CUL3: variants seen among roughly 807,000 people sequenced by gnomAD.
CUL3 encodes the protein cullin 3.
Under a neutral mutation model 89.1 loss-of-function variants are expected in CUL3, and 19 were observed. That is an observed-to-expected ratio of 0.21 (90% confidence interval 0.15 to 0.31). The LOEUF (loss-of-function observed/expected upper bound fraction) is 0.31, where lower values mean the gene tolerates loss of function less well. CUL3 is among the 10% of genes least tolerant of loss of function. CUL3 has a pLI of 1.00. For missense variants in CUL3, 469 were observed against 942.3 expected (o/e 0.50, Z 6.58); for synonymous variants, 351 against 308.4 (o/e 1.14, Z -1.45).
At chr2:224,481,370 GA>G (rs1445688504) in intron 14 of CUL3, among the ~76,000 whole-genome samples, 2 of 150,002 alleles carry the variant, frequency 1.3e-5, no homozygotes, top group Non-Finnish European at 3.0e-5. Context: ...TTAATGAATA[GA>G]ATTTTCATTA....
chr2:224,560,368 A>T (rs906971415), intron 1 of CUL3: 6 of 152,114 alleles, frequency 3.9e-5, no homozygotes, highest in African/African-American at 1.5e-4. Context: ...CCCTCTGTAC[A>T]TGCCAGAGTC....
intron 15 of CUL3, among the ~76,000 whole-genome samples, chr2:224,476,081 T>A (rs769813822): frequency 6.6e-6 from 1 of 151,980 alleles, no homozygotes; most frequent in African/African-American, 2.4e-5. Flanking sequence ...TGGAGTACAA[T>A]GGCACGATCT....
intron 1 of CUL3, among the ~76,000 whole-genome samples, chr2:224,580,965 A>G (rs1380294309): frequency 6.6e-6 from 1 of 151,996 alleles, no homozygotes; most frequent in Non-Finnish European, 1.5e-5. Context: ...TTTTGGTCAA[A>G]GGATACAAGT....
At chr2:224,532,595 A>C (rs1693736141) in intron 3 of CUL3, among the ~76,000 whole-genome samples, 1 of 152,168 alleles carries the variant, frequency 6.6e-6, no homozygotes, top group African/African-American at 2.4e-5. Flanking sequence ...ATGTATTCAA[A>C]GTGTATGAAA....
At chr2:224,505,007 T>C (rs955756350) in intron 8 of CUL3, among the ~76,000 whole-genome samples, 4 of 152,172 alleles carry the variant, frequency 2.6e-5, no homozygotes, top group Non-Finnish European at 5.9e-5. Context: ...TTGTTTGACA[T>C]ATAACCTTCA....
At chr2:224,531,234 G>A (rs966066995) in intron 3 of CUL3, among the ~76,000 whole-genome samples, 4 of 151,436 alleles carry the variant, frequency 2.6e-5, no homozygotes, top group Non-Finnish European at 2.9e-5. Context: ...TCATAGGCAC[G>A]CACCACCACA....
chr2:224,522,016 A>G (rs2106238284), intron 3 of CUL3, among the ~76,000 whole-genome samples: 1 of 151,868 alleles, frequency 6.6e-6, no homozygotes, highest in East Asian at 1.9e-4. Flanking sequence ...TTAAATACTT[A>G]TTCTGCTAGT....
intron 2 of CUL3, among the ~76,000 whole-genome samples, chr2:224,545,905 A>G (rs1490029935): frequency 6.6e-6 from 1 of 152,204 alleles, no homozygotes; most frequent in African/African-American, 2.4e-5. Context: ...TACTATTTTA[A>G]AAATCACATA....
chr2:224,503,970 T>C (rs1440299532), intron 8 of CUL3, 148 bp from the exon 9 acceptor site: 3 of 584,034 alleles, frequency 5.1e-6, no homozygotes, highest in Non-Finnish European at 8.7e-6. Context: ...TTTGAGAAAG[T>C]GTCTCCTACT....
chr2:224,553,350 T>C (rs894750823), intron 2 of CUL3, among the ~76,000 whole-genome samples: 1 of 152,112 alleles, frequency 6.6e-6, no homozygotes, highest in Admixed American at 6.6e-5. Context: ...CAAATGAGCG[T>C]GAAAGAAAAG....
chr2:224,538,128 TTTTG>T lies in CUL3; in HGVS notation c.265-2491_265-2488del, dbSNP rs769029209. 5.5e-4 allele frequency among the ~76,000 whole-genome samples: 84 copies of T among 152,162 alleles called. 1 individual carries two copies. The highest frequency in any genetic ancestry group is 1.0e-3 in the Non-Finnish European group (68 of 68,016). On this transcript the variant is annotated intron_variant, in intron 2 of 15. Coordinates refer to ENST00000264414, the MANE Select transcript of CUL3 (RefSeq NM_003590.5). ...GAAAATAGCTACAATTAAGAGCTAA[TTTTG>T]TTTATTTTTCAATTATGCATACACA...
At chr2:224,493,831 T>TA (rs1277505919) in intron 13 of CUL3, among the ~76,000 whole-genome samples, 1 of 152,188 alleles carries the variant, frequency 6.6e-6, no homozygotes, top group East Asian at 1.9e-4. Context: ...AAACAGCTGT[T>TA]AGAGATAATT....
At chr2:224,550,157 C>G (rs1457232228) in intron 2 of CUL3, among the ~76,000 whole-genome samples, 1 of 151,964 alleles carries the variant, frequency 6.6e-6, no homozygotes, top group Non-Finnish European at 1.5e-5. Flanking sequence ...CATGGGGACC[C>G]GAAGTGTTTC....
intron 13 of CUL3, among the ~76,000 whole-genome samples, chr2:224,492,872 G>T (rs1219947013): frequency 6.6e-6 from 1 of 152,204 alleles, no homozygotes; most frequent in Non-Finnish European, 1.5e-5. Flanking sequence ...TGCAGGTTCT[G>T]CCTGGGTCTT....
At chr2:224,557,160 G>C (rs1376893336) in intron 2 of CUL3, among the ~76,000 whole-genome samples, 1 of 151,940 alleles carries the variant, frequency 6.6e-6, no homozygotes, top group African/African-American at 2.4e-5. Context: ...TCTGAAATCA[G>C]AGAACCATTT....
intron 5 of CUL3, among the ~76,000 whole-genome samples, chr2:224,512,489 G>A (rs1692868953): frequency 6.6e-6 from 1 of 152,144 alleles, no homozygotes; most frequent in Admixed American, 6.5e-5. Context: ...CAGGAAAAAT[G>A]CCTTGTTACA....
chr2:224,490,020 C>A (rs1418431272), intron 13 of CUL3, among the ~76,000 whole-genome samples: 1 of 152,026 alleles, frequency 6.6e-6, no homozygotes, highest in Non-Finnish European at 1.5e-5. Flanking sequence ...AAAAAAGAAC[C>A]CCATCAAAAA....
chr2:224,552,786 T>C (rs1694563456), intron 2 of CUL3, among the ~76,000 whole-genome samples: 1 of 152,136 alleles, frequency 6.6e-6, no homozygotes. Flanking sequence ...AATAAATAAA[T>C]ATATGGTTCG....
chr2:224,556,120 A>C (rs1408682169), intron 2 of CUL3, among the ~76,000 whole-genome samples: 1 of 152,170 alleles, frequency 6.6e-6, no homozygotes, highest in East Asian at 1.9e-4. Context: ...TACAGAAGAA[A>C]GAGCAGAAAT....
Sources: gnomAD v4.1 joint callset for allele counts (sites outside exome capture counted in the v4.1 genomes callset) on GRCh38, gnomAD v4.1.1 for gene constraint, MANE v1.5 for transcripts, NCBI Gene and HGNC (gene_info 2026-07-23, HGNC 2026-07-21) for gene names.